The following PEBP4 variants were observed in gnomAD, a reference collection of about 807,000 sequenced individuals.
PEBP4 encodes phosphatidylethanolamine binding protein 4.
PEBP4 carries 22 observed loss-of-function variants against 23.9 expected under a neutral mutation model. The ratio of observed to expected loss-of-function variants is 0.92; its 90% CI spans 0.66 to 1.31. The LOEUF (loss-of-function observed/expected upper bound fraction) is 1.31, where lower values mean the gene tolerates loss of function less well. Among genes scored for constraint, PEBP4 ranks in the 40% most tolerant of loss-of-function variants. PEBP4 has a pLI of 0.00. For synonymous variants in PEBP4, 112 were observed against 99.3 expected, an observed-to-expected ratio of 1.13 and a Z score of -0.76; for missense variants, 324 against 281.7, an observed-to-expected ratio of 1.15 and a Z score of -1.07.
intron 4 of PEBP4, among the ~76,000 whole-genome samples, chr8:22,749,805 C>CTTTT (rs71206545): frequency 0.019 from 1,581 of 83,726 alleles, 258 homozygotes; most frequent in Non-Finnish European, 0.032. Flanking sequence ...GTTTGTCATT[C>CTTTT]TTTTTTTTTT....
At chr8:22,888,239 C>T (rs1808424244) in intron 3 of PEBP4, among the ~76,000 whole-genome samples, 1 of 151,638 alleles carries the variant, frequency 6.6e-6, no homozygotes, top group South Asian at 2.1e-4. Context: ...CTGCAACCTC[C>T]ACCTCCCAGG....
intron 4 of PEBP4, among the ~76,000 whole-genome samples, chr8:22,774,148 G>C (rs1451566342): frequency 1.3e-5 from 2 of 152,226 alleles, no homozygotes; most frequent in Non-Finnish European, 2.9e-5. Context: ...CTGAAGGAAG[G>C]AGGCCAGGGC....
At chr8:22,840,384 T>C (rs1807299140) in intron 3 of PEBP4, among the ~76,000 whole-genome samples, 1 of 151,706 alleles carries the variant, frequency 6.6e-6, no homozygotes, top group Admixed American at 6.6e-5. Context: ...TTTCTTTTCT[T>C]AAAAAAATTT....
chr8:22,827,915 G>T (rs1190061895), intron 3 of PEBP4, among the ~76,000 whole-genome samples: 1 of 152,180 alleles, frequency 6.6e-6, no homozygotes, highest in Non-Finnish European at 1.5e-5. Flanking sequence ...TTGTGGCCAT[G>T]CTAGTGGGTG....
At position 22,927,840 on chromosome 8, in the gene PEBP4, GAGA is replaced by G. The variant is rs1204511909; in HGVS notation, c.-27_-25del. 3 of 1,264,476 alleles carry G rather than the reference GAGA, an allele frequency of 2.4e-6. No homozygotes were observed. In the East Asian group the frequency reaches 7.6e-5, roughly 32 times the overall value. 78.3% of individuals were successfully genotyped at this position (1,264,476 alleles called of 1,614,324 possible). A position where few individuals can be genotyped will look rare whatever the true frequency, so the allele number is the denominator to read the frequency against. On this transcript the variant is annotated 5_prime_UTR_variant, in exon 1 of 7. Transcript: ENST00000256404. ...ATAGAGACCTCTGGTTAAGCACAGGGAGAAGGACAGGCAGCTTCCAGGGCTCCG... is the reference window on the plus strand; with the variant it reads ...ATAGAGACCTCTGGTTAAGCACAGGGAGGACAGGCAGCTTCCAGGGCTCCG...
At chr8:22,859,975 G>A (rs1440488656) in intron 3 of PEBP4, among the ~76,000 whole-genome samples, 1 of 151,308 alleles carries the variant, frequency 6.6e-6, no homozygotes, top group East Asian at 1.9e-4. Context: ...AAATTAGCTG[G>A]GTATGATGGT....
At chr8:22,940,478 C>T (rs866329585) in intron 1 of PEBP4, among the ~76,000 whole-genome samples, 1 of 126,544 alleles carries the variant, frequency 7.9e-6, no homozygotes, top group African/African-American at 3.2e-5. Context: ...ACCACCTTTA[C>T]CATGAATTTC....
intron 3 of PEBP4, among the ~76,000 whole-genome samples, chr8:22,915,913 G>A (rs1585342093): frequency 6.6e-6 from 1 of 152,234 alleles, no homozygotes; most frequent in African/African-American, 2.4e-5. Flanking sequence ...CTCTTATAGA[G>A]AGGAGAGTTC....
intron 3 of PEBP4, among the ~76,000 whole-genome samples, chr8:22,882,163 A>T (rs1476664745): frequency 6.6e-6 from 1 of 152,198 alleles, no homozygotes; most frequent in African/African-American, 2.4e-5. Flanking sequence ...GAAAATAAGC[A>T]TTTAGAACTG....
intron 4 of PEBP4, among the ~76,000 whole-genome samples, chr8:22,774,771 T>C (rs184154594): frequency 2.6e-5 from 4 of 152,320 alleles, no homozygotes; most frequent in African/African-American, 9.6e-5. Context: ...TCCCCGAGGC[T>C]GTCCTGAGGA....
chr8:22,826,005 G>C (rs1806958993), intron 3 of PEBP4, among the ~76,000 whole-genome samples: 4 of 152,172 alleles, frequency 2.6e-5, no homozygotes, highest in Admixed American at 2.6e-4. Context: ...AAGCAGAGAG[G>C]AATGGTGGTT....
chr8:22,784,245 G>A (rs534421035), intron 4 of PEBP4, among the ~76,000 whole-genome samples: 43 of 152,272 alleles, frequency 2.8e-4, no homozygotes, highest in African/African-American at 9.9e-4. Context: ...AAGTGGAGAG[G>A]GTGTCAGGGT....
At chr8:22,831,927 T>A (rs1178744379) in intron 3 of PEBP4, among the ~76,000 whole-genome samples, 1 of 151,246 alleles carries the variant, frequency 6.6e-6, no homozygotes, top group Non-Finnish European at 1.5e-5. Context: ...CAGATGAGCA[T>A]GTGCCAGGGG....
chr8:22,787,954 T>C (rs1041833220), intron 4 of PEBP4, among the ~76,000 whole-genome samples: 2 of 151,624 alleles, frequency 1.3e-5, no homozygotes, highest in African/African-American at 4.9e-5. Flanking sequence ...TGATAACGCG[T>C]TGTGGATGGG....
chr8:22,933,122 A>G (rs1463385475), intron 1 of PEBP4, among the ~76,000 whole-genome samples: 1 of 152,124 alleles, frequency 6.6e-6, no homozygotes, highest in East Asian at 1.9e-4. Context: ...CCTTAAACTC[A>G]AAGAAGGAGA....
At position 22,713,309 on chromosome 8, in the gene PEBP4, C is replaced by T; in HGVS notation, c.*61G>A. The T allele has an allele frequency of 6.6e-7, 1 of 1,514,520 alleles. No individual in the cohort carries two copies. Among genetic ancestry groups the T allele is most frequent in the Non-Finnish European group, 8.8e-7 (1 of 1,133,902 alleles). 93.8% of individuals were successfully genotyped at this position (1,514,520 alleles called of 1,614,324 possible). A position where few individuals can be genotyped will look rare whatever the true frequency, so the allele number is the denominator to read the frequency against. On this transcript the variant is annotated 3_prime_UTR_variant, in exon 7 of 7. Transcript: ENST00000256404. Reference sequence around the variant, plus strand: ...GGGGTTCTGTATCCAGAGGGGGTTCCATACCCACATCGTCGGTGGTGGGCA... The same window carrying T: ...GGGGTTCTGTATCCAGAGGGGGTTCTATACCCACATCGTCGGTGGTGGGCA...
At chr8:22,739,951 C>T (rs538133096) in intron 4 of PEBP4, among the ~76,000 whole-genome samples, 1 of 152,302 alleles carries the variant, frequency 6.6e-6, no homozygotes, top group South Asian at 2.1e-4. Context: ...GACTGTGGCT[C>T]TTTGGGGAAG....
intron 4 of PEBP4, among the ~76,000 whole-genome samples, chr8:22,809,910 C>G (rs1806582741): frequency 2.6e-5 from 4 of 152,258 alleles, no homozygotes. Context: ...GTCACCTGCA[C>G]CAGCCTTCTA....
At chr8:22,802,339 G>C (rs1806401136) in intron 4 of PEBP4, among the ~76,000 whole-genome samples, 1 of 152,158 alleles carries the variant, frequency 6.6e-6, no homozygotes. Flanking sequence ...TGCCAAGCCT[G>C]TCTCTCACCC....
Sources: allele counts gnomAD v4.1 joint callset (sites outside exome capture counted in the v4.1 genomes callset), GRCh38; gene constraint gnomAD v4.1.1; transcripts MANE v1.5; gene names NCBI Gene and HGNC (gene_info 2026-07-23, HGNC 2026-07-21).